INTS4: variants seen among roughly 807,000 people sequenced by gnomAD.
The protein encoded by INTS4 is integrator complex subunit 4.
A neutral mutation model predicts 119.5 loss-of-function variants in INTS4; 70 were observed. That is an observed-to-expected ratio of 0.59 (90% CI 0.48 to 0.71). INTS4 has a LOEUF of 0.71. Ranked by LOEUF, INTS4 falls within the 30% of genes least tolerant of loss-of-function variation. The pLI, the probability that INTS4 is intolerant of heterozygous loss-of-function variation, is 0.00. For synonymous variants in INTS4, 316 were observed against 419.6 expected (o/e 0.75, Z 3.02); for missense variants, 867 against 1,173.2 (o/e 0.74, Z 3.81).
chr11:77,878,163 C>T (rs530297438), downstream of INTS4, among the ~76,000 whole-genome samples: 1 of 151,994 alleles, frequency 6.6e-6, no homozygotes, highest in Non-Finnish European at 1.5e-5. Context: ...GAGATCAAGA[C>T]CATCCTGGCT....
Position 77,978,655 on chromosome 11 carries a change from G to A in INTS4, c.471+341C>T, listed in dbSNP as rs148886977. The A allele has an allele frequency of 3.4e-4, 55 of 162,568 alleles. No individual in the cohort carries two copies. The East Asian group carries it at 9.0e-3, about 27-fold the overall frequency. The allele number at this position is 162,568 out of a possible 1,614,324, so 10.1% of individuals were successfully genotyped here. ...GCAACCTCCTAGCTGTGCAAACTTA[G>A]ACAAATCAGACTCCATAAATCTTAA... On this transcript the variant is annotated intron_variant, in intron 4 of 22. Coordinates refer to ENST00000534064, the MANE Select transcript of INTS4 (RefSeq NM_033547.4).
chr11:77,979,811 C>T (rs1856125623), intron 3 of INTS4, among the ~76,000 whole-genome samples: 2 of 151,642 alleles, frequency 1.3e-5, no homozygotes, highest in African/African-American at 4.8e-5. Flanking sequence ...AACACCATCT[C>T]TACTAAAAAC....
At chr11:77,981,645 AAACT>A (rs1457504596) in intron 2 of INTS4, 69 bp from the exon 3 acceptor site, 1 of 699,750 alleles carries the variant, frequency 1.4e-6, no homozygotes, top group East Asian at 2.8e-5. Flanking sequence ...GGAACATGGA[AAACT>A]AACATCCCAA....
chr11:77,964,760 G>A (rs371552250), intron 4 of INTS4, among the ~76,000 whole-genome samples: 3 of 151,910 alleles, frequency 2.0e-5, no homozygotes, highest in African/African-American at 7.2e-5. Context: ...AAGGAAAGAA[G>A]AGAGGGAGGG....
chr11:77,887,415 C>T (rs1400813861), intron 21 of INTS4, among the ~76,000 whole-genome samples: 8 of 152,134 alleles, frequency 5.3e-5, no homozygotes, highest in Admixed American at 6.5e-5. Context: ...ATTGATGAGA[C>T]GTATCTCAAA....
intron 16 of INTS4, 75 bp downstream of exon 16, chr11:77,907,641 TG>T: frequency 1.0e-6 from 1 of 995,960 alleles, no homozygotes; most frequent in Non-Finnish European, 1.6e-6. Context: ...TTATAACTTA[TG>T]GCCTCACACA....
chr11:77,913,974 G>A (rs1175998214), intron 15 of INTS4, among the ~76,000 whole-genome samples: 1 of 152,142 alleles, frequency 6.6e-6, no homozygotes, highest in Non-Finnish European at 1.5e-5. Flanking sequence ...ATGTGATACA[G>A]GAATCCCCTG....
intron 4 of INTS4, among the ~76,000 whole-genome samples, chr11:77,961,366 T>C (rs1954472362): frequency 6.6e-6 from 1 of 152,238 alleles, no homozygotes; most frequent in Non-Finnish European, 1.5e-5. Context: ...TTTTCATCTT[T>C]GTATTCCCAA....
chr11:77,939,961 G>T (rs563269182), intron 9 of INTS4, among the ~76,000 whole-genome samples: 1 of 152,080 alleles, frequency 6.6e-6, no homozygotes, highest in South Asian at 2.1e-4. Flanking sequence ...CAGGCATATG[G>T]GTAAATTGTT....
chr11:77,894,149 G>C (rs1307229987), intron 19 of INTS4, 141 bp downstream of exon 19: 3 of 520,206 alleles, frequency 5.8e-6, no homozygotes, highest in Non-Finnish European at 6.9e-6. Context: ...CTAATTTAAG[G>C]TTAACGACAT....
intron 10 of INTS4, among the ~76,000 whole-genome samples, chr11:77,934,262 A>G (rs937294933): frequency 6.6e-6 from 1 of 152,076 alleles, no homozygotes; most frequent in Non-Finnish European, 1.5e-5. Context: ...GCGGAAGGCC[A>G]CAGGGTCCTC....
In INTS4 at chr11:77,883,873, C is replaced by G; in HGVS notation, c.2672G>C (p.Arg891Pro). The change falls in exon 22 of 23, where the codon CGG becomes CCG. Residue 891 changes from arginine (R) to proline (P), a missense_variant. Physicochemically the swap from Arg to Pro is moderately radical, Grantham distance 103 (BLOSUM62 -2). Around this residue, in one of 5 missense-constraint regions of INTS4, gnomAD observed 122 missense variants for 133.2 expected, o/e 0.92. Coordinates refer to ENST00000534064, the MANE Select transcript of INTS4 (RefSeq NM_033547.4). ...GGAGAGATAAACCTGAGTGATGAGC[C>G]GGTGCCGCCCTGGGCCAGGATTCCG... ...DFRNPGPGRHRLITQVYLSHT... is the reference protein window; with the variant it reads ...DFRNPGPGRHPLITQVYLSHT... 1.9e-6 allele frequency: 3 copies of G among 1,612,692 alleles called. No homozygotes were observed. Among genetic ancestry groups the G allele is most frequent in the Non-Finnish European group, 2.5e-6 (3 of 1,179,392 alleles).
At chr11:77,994,154 T>A (rs892146812) in intron 1 of INTS4, among the ~76,000 whole-genome samples, 2 of 152,060 alleles carry the variant, frequency 1.3e-5, no homozygotes, top group Admixed American at 6.6e-5. Flanking sequence ...CTTGTGTATA[T>A]TCCAACTGGT....
intron 4 of INTS4, among the ~76,000 whole-genome samples, chr11:77,972,907 T>A (rs1855790095): frequency 6.6e-6 from 1 of 151,418 alleles, no homozygotes; most frequent in Admixed American, 6.6e-5. Flanking sequence ...TCAAGGCTCA[T>A]AAGGCTCACT....
At chr11:77,986,025 T>C (rs1189985878) in intron 2 of INTS4, among the ~76,000 whole-genome samples, 1 of 152,196 alleles carries the variant, frequency 6.6e-6, no homozygotes, top group Non-Finnish European at 1.5e-5. Flanking sequence ...AAAAACACTA[T>C]GGTCAACAAT....
chr11:77,888,982 G>A (rs1172091512), intron 21 of INTS4, among the ~76,000 whole-genome samples: 1 of 152,208 alleles, frequency 6.6e-6, no homozygotes, highest in African/African-American at 2.4e-5. Flanking sequence ...TGGTGGGACT[G>A]TAAACTAGTT....
chr11:77,988,275 T>C (rs1410888856), intron 2 of INTS4, among the ~76,000 whole-genome samples: 4 of 152,194 alleles, frequency 2.6e-5, no homozygotes. Context: ...ACTTAACAAT[T>C]GTGCTAATGG....
chr11:77,947,465 A>T (rs1954076764), intron 8 of INTS4, among the ~76,000 whole-genome samples: 1 of 152,244 alleles, frequency 6.6e-6, no homozygotes, highest in African/African-American at 2.4e-5. Context: ...AACCTCGCAG[A>T]CCAAGAGAGA....
intron 6 of INTS4, 115 bp downstream of exon 6, chr11:77,960,226 G>A (rs561979017): frequency 5.3e-5 from 35 of 664,948 alleles, no homozygotes; most frequent in Non-Finnish European, 7.4e-5. Context: ...CCCAATCAAC[G>A]CTGCCACTAT....
Sources: allele counts gnomAD v4.1 joint callset (sites outside exome capture counted in the v4.1 genomes callset), GRCh38; gene constraint gnomAD v4.1.1; regional missense constraint gnomAD v4.1.1; transcripts MANE v1.5; gene names NCBI Gene and HGNC (gene_info 2026-07-23, HGNC 2026-07-21).